The following SMAD5 variants were observed in gnomAD, a reference collection of about 807,000 sequenced individuals.
The protein encoded by SMAD5 is SMAD family member 5.
Under a neutral mutation model 43.1 loss-of-function variants are expected in SMAD5, and 9 were observed. The ratio of observed to expected loss-of-function variants is 0.21; its 90% CI spans 0.13 to 0.36. The LOEUF (loss-of-function observed/expected upper bound fraction) is 0.36. Ranked by LOEUF, SMAD5 falls within the 10% of genes least tolerant of loss-of-function variation. The pLI is 1.00. For synonymous variants in SMAD5, 190 were observed against 192.4 expected (o/e 0.99, Z 0.10); for missense variants, 348 against 574.0 (o/e 0.61, Z 4.02).
At chr5:136,169,971 A>G (rs1051592833) in intron 5 of SMAD5, among the ~76,000 whole-genome samples, 3 of 151,884 alleles carry the variant, frequency 2.0e-5, no homozygotes, top group Admixed American at 2.0e-4. Flanking sequence ...ATTGTTTTTG[A>G]GTTCTTTGTA....
chr5:136,142,544 T>C (rs746476720), intron 1 of SMAD5, among the ~76,000 whole-genome samples: 3 of 152,154 alleles, frequency 2.0e-5, no homozygotes, highest in African/African-American at 2.4e-5. Flanking sequence ...GTTTTCTTTC[T>C]AGCTTTGAGG....
rs1033604796 is a variant in SMAD5 at position 136,178,721 on chromosome 5, G to A, written c.*1241G>A. The stretch of plus-strand genomic sequence containing the variant: ...GCCCCAAGGATAAGGCTACTGATTT[G>A]ATACTAAATGAATCAGCAGTGGATG... On this transcript the variant is annotated 3_prime_UTR_variant, in exon 8 of 8. Coordinates refer to ENST00000545279, the MANE Select transcript of SMAD5 (RefSeq NM_005903.7). The A allele has an allele frequency of 6.6e-6, 1 of 152,132 alleles. No homozygotes were observed. The highest frequency in any genetic ancestry group is 2.4e-5 in the African/African-American group (1 of 41,404). The allele number at this position is 152,132 out of a possible 1,614,324, so 9.4% of individuals were successfully genotyped here. A position where few individuals can be genotyped will look rare whatever the true frequency, so the allele number is the denominator to read the frequency against.
chr5:136,174,370 T>C lies in SMAD5; in HGVS notation c.998-6T>C, dbSNP rs2036651854. 1.2e-6 allele frequency: 2 copies of C among 1,610,952 alleles called. No individual in the cohort carries two copies. Among genetic ancestry groups the C allele is most frequent in the Non-Finnish European group, 1.7e-6 (2 of 1,177,302 alleles). On this transcript the variant is annotated splice_region_variant and splice_polypyrimidine_tract_variant and intron_variant, in intron 6 of 7. Transcript: ENST00000545279. Reference sequence around the variant, plus strand: ...AGCTGACTCTTGTGATGTTTGTCTTTTTAAGGTGTTCATCTGTACTATGTT... The same window carrying C: ...AGCTGACTCTTGTGATGTTTGTCTTCTTAAGGTGTTCATCTGTACTATGTT...
chr5:136,176,457 CAAAAAAAAAAAA>C (rs60311104), intron 7 of SMAD5, among the ~76,000 whole-genome samples: 20 of 68,510 alleles, frequency 2.9e-4, no homozygotes, highest in African/African-American at 6.8e-4. Flanking sequence ...CTCTGTCTCA[CAAAAAAAAAAAA>C]AAAAAAAAAA....
intron 5 of SMAD5, among the ~76,000 whole-genome samples, chr5:136,165,889 C>T (rs929785133): frequency 1.8e-4 from 27 of 151,708 alleles, no homozygotes; most frequent in African/African-American, 5.1e-4. Context: ...TGGACATGGG[C>T]GTACACATAT....
intron 1 of SMAD5, among the ~76,000 whole-genome samples, chr5:136,145,037 G>A (rs573456680): frequency 1.3e-5 from 2 of 151,938 alleles, no homozygotes; most frequent in South Asian, 4.1e-4. Flanking sequence ...ACAGATACTG[G>A]GGGCAAGTGA....
At chr5:136,143,582 C>T (rs1349533522) in intron 1 of SMAD5, among the ~76,000 whole-genome samples, 1 of 151,984 alleles carries the variant, frequency 6.6e-6, no homozygotes, top group Non-Finnish European at 1.5e-5. Flanking sequence ...ACCTCCTAGC[C>T]TCCCTTCCTC....
intron 1 of SMAD5, among the ~76,000 whole-genome samples, chr5:136,139,872 T>G (rs1377769924): frequency 6.6e-6 from 1 of 152,064 alleles, no homozygotes; most frequent in African/African-American, 2.4e-5. Context: ...ATTTTTTAAT[T>G]AAAAACAATT....
intron 1 of SMAD5, 198 bp downstream of exon 1, chr5:136,133,160 G>T (rs1333785132): frequency 6.6e-6 from 1 of 152,480 alleles, no homozygotes; most frequent in Non-Finnish European, 1.5e-5. Context: ...AGCGGCTGCG[G>T]AGGCCTCGCT....
At chr5:136,174,661 G>A (rs1754344916) in intron 7 of SMAD5, 29 bp downstream of exon 7, 2 of 1,550,632 alleles carry the variant, frequency 1.3e-6, no homozygotes, top group Admixed American at 1.7e-5. Flanking sequence ...CATAATTTGA[G>A]TCACTATAAA....
intron 1 of SMAD5, among the ~76,000 whole-genome samples, chr5:136,145,111 A>T (rs551094821): frequency 7.6e-6 from 1 of 131,502 alleles, no homozygotes; most frequent in South Asian, 2.2e-4. Flanking sequence ...TTCTTCTAAG[A>T]TGTAATTTTT....
chr5:136,143,051 C>T (rs936354943), intron 1 of SMAD5, among the ~76,000 whole-genome samples: 8 of 151,812 alleles, frequency 5.3e-5, no homozygotes, highest in African/African-American at 1.5e-4. Flanking sequence ...TCCTCAATAT[C>T]TACATATTTA....
intron 3 of SMAD5, among the ~76,000 whole-genome samples, 180 bp downstream of exon 3, chr5:136,154,343 C>G (rs901309341): frequency 1.3e-5 from 2 of 152,104 alleles, no homozygotes; most frequent in Non-Finnish European, 2.9e-5. Flanking sequence ...GTAGGTGATA[C>G]AATTCTCAGG....
chr5:136,152,352 A>G (rs1320380960), intron 2 of SMAD5, among the ~76,000 whole-genome samples: 1 of 152,138 alleles, frequency 6.6e-6, no homozygotes, highest in Non-Finnish European at 1.5e-5. Context: ...AGAATCAATA[A>G]TTATTTGTTG....
intron 3 of SMAD5, among the ~76,000 whole-genome samples, chr5:136,159,122 T>G (rs1475870929): frequency 6.6e-6 from 1 of 152,184 alleles, no homozygotes; most frequent in Non-Finnish European, 1.5e-5. Context: ...TACACTTGAT[T>G]CAGCAATGAA....
chr5:136,150,840 G>C (rs1411998799), intron 2 of SMAD5, among the ~76,000 whole-genome samples: 1 of 151,934 alleles, frequency 6.6e-6, no homozygotes, highest in Non-Finnish European at 1.5e-5. Context: ...GTGTTAGATA[G>C]ACATTAGTAC....
At chr5:136,149,919 G>C (rs1208175513) in intron 2 of SMAD5, among the ~76,000 whole-genome samples, 3 of 151,712 alleles carry the variant, frequency 2.0e-5, no homozygotes, top group African/African-American at 7.3e-5. Context: ...TGTTCTTTTT[G>C]AAACCAATCT....
chr5:136,137,440 C>G (rs2149758018), intron 1 of SMAD5, among the ~76,000 whole-genome samples: 1 of 152,210 alleles, frequency 6.6e-6, no homozygotes, highest in East Asian at 1.9e-4. Context: ...GTGTCCCATT[C>G]CCACTTTTTC....
In SMAD5 at chr5:136,181,738, G is replaced by C. The variant is rs1024131695; in HGVS notation, c.*4258G>C. 8.5e-5 allele frequency: 13 copies of C among 152,298 alleles called. No individual in the cohort carries two copies. The highest frequency in any genetic ancestry group is 6.5e-4 in the Admixed American group (10 of 15,308). 9.4% of individuals were successfully genotyped at this position (152,298 alleles called of 1,614,324 possible). ...TACAGTTTAGTATGTCCTGATTACAGAGTGACAATATTTATCAAGCCTTTG... is the reference window on the plus strand; with the variant it reads ...TACAGTTTAGTATGTCCTGATTACACAGTGACAATATTTATCAAGCCTTTG... On this transcript the variant is annotated 3_prime_UTR_variant, in exon 8 of 8. Transcript: ENST00000545279.
Sources: allele counts gnomAD v4.1 joint callset (sites outside exome capture counted in the v4.1 genomes callset), GRCh38; gene constraint gnomAD v4.1.1; transcripts MANE v1.5; gene names NCBI Gene and HGNC (gene_info 2026-07-23, HGNC 2026-07-21).